Variants in UNC5C observed in about 807,000 individuals in gnomAD.
UNC5C encodes the protein netrin receptor UNC5C.
A neutral mutation model predicts 99.8 loss-of-function variants in UNC5C; 47 were observed. That is an observed-to-expected ratio of 0.47 (90% CI 0.37 to 0.60). The LOEUF (loss-of-function observed/expected upper bound fraction) is 0.60. Ranked by LOEUF, UNC5C falls within the 20% of genes least tolerant of loss-of-function variation. UNC5C has a pLI of 0.00. For synonymous variants in UNC5C, 487 were observed against 452.2 expected (o/e 1.08, Z -0.98); for missense variants, 1,062 against 1,165.9 (o/e 0.91, Z 1.30).
At chr4:95,494,990 G>T (rs1721594086) in intron 1 of UNC5C, among the ~76,000 whole-genome samples, 1 of 151,388 alleles carries the variant, frequency 6.6e-6, no homozygotes, top group Non-Finnish European at 1.5e-5. Flanking sequence ...TTCTCCAAAT[G>T]TAACCAAAGT....
intron 4 of UNC5C, among the ~76,000 whole-genome samples, chr4:95,259,107 G>T (rs961147263): frequency 6.6e-6 from 1 of 152,012 alleles, no homozygotes; most frequent in African/African-American, 2.4e-5. Flanking sequence ...CCAGCTAAGA[G>T]GGCTGCTTTC....
At chr4:95,307,406 A>T (rs1222258718) in intron 2 of UNC5C, among the ~76,000 whole-genome samples, 1 of 152,176 alleles carries the variant, frequency 6.6e-6, no homozygotes, top group African/African-American at 2.4e-5. Context: ...AGATGAATGT[A>T]AGAAACGCAA....
At chr4:95,446,375 A>C (rs531246801) in intron 1 of UNC5C, among the ~76,000 whole-genome samples, 1 of 152,304 alleles carries the variant, frequency 6.6e-6, no homozygotes, top group Admixed American at 6.5e-5. Context: ...GGGACTACTT[A>C]ATATTACAAT....
chr4:95,343,793 C>G (rs1188617394), intron 1 of UNC5C, among the ~76,000 whole-genome samples: 1 of 151,946 alleles, frequency 6.6e-6, no homozygotes, highest in Non-Finnish European at 1.5e-5. Flanking sequence ...AACAGACATA[C>G]TGAAGAGTAC....
Position 95,245,008 on chromosome 4 carries a change from C to A in UNC5C, c.912G>T (p.Val304=). The stretch of plus-strand genomic sequence containing the variant: ...ATAACGTAGTACAGGCTATTTTCTG[C>A]ACACTCTGCCCTTCACAGAAGGCAC... ...NGGAFCEGQS[V]QKIACTTLCP... The change falls in exon 6 of 16, where the codon GTG becomes GTT. Residue 304 remains valine (V), a synonymous_variant. Transcript: ENST00000453304. The A allele has an allele frequency of 6.2e-7, 1 of 1,613,858 alleles. No individual in the cohort carries two copies. The highest frequency in any genetic ancestry group is 8.5e-7 in the Non-Finnish European group (1 of 1,179,934).
At chr4:95,366,345 A>G (rs1472704744) in intron 1 of UNC5C, among the ~76,000 whole-genome samples, 2 of 152,200 alleles carry the variant, frequency 1.3e-5, no homozygotes, top group Non-Finnish European at 2.9e-5. Context: ...TCCTGAAAAC[A>G]CTGATCAACT....
chr4:95,471,832 T>C (rs1192642063), intron 1 of UNC5C, among the ~76,000 whole-genome samples: 2 of 152,078 alleles, frequency 1.3e-5, no homozygotes, highest in African/African-American at 4.8e-5. Context: ...ATTTTGTCTT[T>C]TTTTTTTTAA....
chr4:95,231,296 T>C (rs920933800), intron 7 of UNC5C, among the ~76,000 whole-genome samples: 3 of 152,112 alleles, frequency 2.0e-5, no homozygotes, highest in Admixed American at 2.0e-4. Flanking sequence ...TACCCGTAAA[T>C]AGATTTTAGG....
intron 7 of UNC5C, among the ~76,000 whole-genome samples, chr4:95,231,159 A>G (rs1738897066): frequency 6.6e-6 from 1 of 152,032 alleles, no homozygotes; most frequent in Non-Finnish European, 1.5e-5. Context: ...GGGCATTAAA[A>G]CCTTGTCTTT....
chr4:95,485,800 G>T (rs939705840), intron 1 of UNC5C, among the ~76,000 whole-genome samples: 7 of 151,520 alleles, frequency 4.6e-5, no homozygotes, highest in African/African-American at 1.2e-4. Context: ...AAGCCTATCA[G>T]GTAGGGTTCT....
intron 4 of UNC5C, among the ~76,000 whole-genome samples, chr4:95,254,702 C>T (rs1357113116): frequency 6.6e-6 from 1 of 152,144 alleles, no homozygotes. Context: ...CATGATTTAG[C>T]TCTTGTCCTT....
chr4:95,503,040 C>T lies in UNC5C; in HGVS notation c.124+45694G>A, dbSNP rs376043655. Among the ~76,000 whole-genome samples the T allele has an allele frequency of 3.3e-5, 5 of 152,188 alleles. No homozygotes were observed. In the East Asian group the frequency reaches 7.7e-4, roughly 24 times the overall value. ...TCCTATTCAGTGAAAAAGTTTGGTT[C>T]ATATGTGCTATGGCTTGAATGTGTC... On this transcript the variant is annotated intron_variant, in intron 1 of 15. Coordinates refer to ENST00000453304, the MANE Select transcript of UNC5C (RefSeq NM_003728.4).
chr4:95,345,934 T>C (rs1409086031), intron 1 of UNC5C, among the ~76,000 whole-genome samples: 3 of 151,684 alleles, frequency 2.0e-5, no homozygotes, highest in African/African-American at 7.3e-5. Flanking sequence ...TAAACATTCA[T>C]CTTAATAAAC....
Position 95,371,233 on chromosome 4 carries a change from T to A in UNC5C, c.125-35602A>T, listed in dbSNP as rs1257505568. ...CAGTGTAATGCTGTTTCATAACGTT[T>A]CTCCATAGGTTATATCTTGACAGAA... On this transcript the variant is annotated intron_variant, in intron 1 of 15. Transcript: ENST00000453304. Among the ~76,000 whole-genome samples the A allele has an allele frequency of 2.9e-4, 44 of 151,988 alleles. 2 individuals carry two copies. Among genetic ancestry groups the A allele is most frequent in the Admixed American group, 2.9e-3 (44 of 15,218 alleles).
intron 12 of UNC5C, among the ~76,000 whole-genome samples, chr4:95,191,588 T>C (rs1389141589): frequency 6.7e-6 from 1 of 149,900 alleles, no homozygotes; most frequent in Non-Finnish European, 1.5e-5. Context: ...TATTCACCTT[T>C]CTCCCCTGCT....
At chr4:95,398,295 T>A (rs1745583263) in intron 1 of UNC5C, among the ~76,000 whole-genome samples, 1 of 152,098 alleles carries the variant, frequency 6.6e-6, no homozygotes, top group Non-Finnish European at 1.5e-5. Flanking sequence ...ACTTTTCATT[T>A]TACCAAAGTT....
intron 12 of UNC5C, among the ~76,000 whole-genome samples, chr4:95,199,971 A>G (rs1037936453): frequency 2.0e-5 from 3 of 152,232 alleles, no homozygotes; most frequent in African/African-American, 7.2e-5. Context: ...TCGACATCAG[A>G]AAATCTTACA....
chr4:95,287,158 G>C (rs1167862973), intron 3 of UNC5C, among the ~76,000 whole-genome samples: 1 of 152,180 alleles, frequency 6.6e-6, no homozygotes, highest in Non-Finnish European at 1.5e-5. Context: ...GAGTAAAGCT[G>C]TTTTTGTTAG....
In UNC5C at chr4:95,169,225, G is replaced by A; in HGVS notation, c.*9C>T. The A allele has an allele frequency of 2.5e-6, 4 of 1,613,192 alleles. No individual in the cohort carries two copies. Among genetic ancestry groups the A allele is most frequent in the Non-Finnish European group, 3.4e-6 (4 of 1,179,354 alleles). ...TTTTTGTCCTTCATTTCCCCTTCCA[G>A]CATGGTGGTTAATACTGCCCTTCTG... On this transcript the variant is annotated 3_prime_UTR_variant, in exon 16 of 16. Coordinates refer to ENST00000453304, the MANE Select transcript of UNC5C (RefSeq NM_003728.4).
Sources: allele counts gnomAD v4.1 joint callset (sites outside exome capture counted in the v4.1 genomes callset), GRCh38; gene constraint gnomAD v4.1.1; transcripts MANE v1.5; gene names NCBI Gene and HGNC (gene_info 2026-07-23, HGNC 2026-07-21).